ERBB4: variants seen among roughly 807,000 people sequenced by gnomAD.
The protein encoded by ERBB4 is erb-b2 receptor tyrosine kinase 4.
Under a neutral mutation model 158.0 loss-of-function variants are expected in ERBB4, and 42 were observed. That is an observed-to-expected ratio of 0.27 (90% CI 0.21 to 0.34). ERBB4 has a LOEUF of 0.34. ERBB4 is among the 10% of genes least tolerant of loss of function. ERBB4 has a pLI of 1.00. For missense variants in ERBB4, 1,333 were observed against 1,624.1 expected (o/e 0.82, Z 3.08); for synonymous variants, 583 against 558.7 (o/e 1.04, Z -0.61).
intron 9 of ERBB4, among the ~76,000 whole-genome samples, chr2:211,709,842 A>G (rs918039578): frequency 1.3e-5 from 2 of 152,022 alleles, no homozygotes; most frequent in Non-Finnish European, 2.9e-5. Flanking sequence ...AATGAAAGTC[A>G]TTTCCCTCTT....
chr2:212,106,369 C>A (rs2125529319), intron 2 of ERBB4, among the ~76,000 whole-genome samples: 1 of 152,298 alleles, frequency 6.6e-6, no homozygotes, highest in African/African-American at 2.4e-5. Flanking sequence ...AGCATTTTGT[C>A]CCTGCCCTAG....
At chr2:212,513,522 A>C (rs557743175) in intron 1 of ERBB4, among the ~76,000 whole-genome samples, 1 of 152,166 alleles carries the variant, frequency 6.6e-6, no homozygotes, top group African/African-American at 2.4e-5. Context: ...AAGTTAATTA[A>C]GTTTTCAAGG....
intron 4 of ERBB4, among the ~76,000 whole-genome samples, chr2:211,763,884 C>T (rs2106247356): frequency 1.7e-5 from 1 of 60,052 alleles, no homozygotes; most frequent in South Asian, 5.4e-4. Context: ...AAGGCCTTAG[C>T]TGTGCGTGTG....
chr2:211,550,328 T>C (rs952290367), intron 20 of ERBB4, among the ~76,000 whole-genome samples: 2 of 151,882 alleles, frequency 1.3e-5, no homozygotes, highest in African/African-American at 4.8e-5. Context: ...AAGCCCCTGA[T>C]AGCCACCACT....
chr2:211,747,771 T>C (rs1342932019), intron 5 of ERBB4, among the ~76,000 whole-genome samples: 1 of 152,040 alleles, frequency 6.6e-6, no homozygotes, highest in African/African-American at 2.4e-5. Context: ...TCACATTTTT[T>C]ACTCATATAT....
chr2:211,428,640 C>A (rs896532306), intron 21 of ERBB4, among the ~76,000 whole-genome samples, 157 bp from the exon 22 acceptor site: 1 of 151,854 alleles, frequency 6.6e-6, no homozygotes, highest in Non-Finnish European at 1.5e-5. Context: ...TAATTTATGA[C>A]TATAACTATA....
intron 2 of ERBB4, among the ~76,000 whole-genome samples, chr2:212,005,562 C>T (rs2076240242): frequency 6.6e-6 from 1 of 152,100 alleles, no homozygotes. Context: ...ATAAATTCGT[C>T]AGATATGGAA....
intron 1 of ERBB4, among the ~76,000 whole-genome samples, chr2:212,356,242 T>C (rs1250942990): frequency 6.6e-6 from 1 of 152,000 alleles, no homozygotes; most frequent in Non-Finnish European, 1.5e-5. Flanking sequence ...ACCATGTTGC[T>C]GTACTGATCC....
chr2:211,888,741 C>T (rs1452256314), intron 3 of ERBB4, among the ~76,000 whole-genome samples: 2 of 151,958 alleles, frequency 1.3e-5, no homozygotes, highest in South Asian at 2.1e-4. Context: ...ACCTGGGAAG[C>T]GCGAGGGGTC....
rs1380546306 is a variant in ERBB4 at position 211,623,000 on chromosome 2, T to A, written c.2202+922A>T. Among the ~76,000 whole-genome samples, 39 of 8,140 alleles carry A rather than the reference T, an allele frequency of 4.8e-3. 3 individuals are homozygous for A. Among genetic ancestry groups the A allele is most frequent in the African/African-American group, 0.01 (14 of 1,368 alleles). 5.3% of individuals were successfully genotyped at this position (8,140 alleles called of 152,430 possible). ...AAAAAAAAAAAAAAAAATATATATATATATATATATATATATATATATATA... is the reference window on the plus strand; with the variant it reads ...AAAAAAAAAAAAAAAAATATATATAAATATATATATATATATATATATATA... On this transcript the variant is annotated intron_variant, in intron 18 of 27. Transcript: ENST00000342788.
chr2:212,059,958 A>G (rs1294291358), intron 2 of ERBB4, among the ~76,000 whole-genome samples: 5 of 152,176 alleles, frequency 3.3e-5, no homozygotes, highest in Non-Finnish European at 7.3e-5. Flanking sequence ...TAATTAAACT[A>G]AAGAGCTTCT....
intron 20 of ERBB4, among the ~76,000 whole-genome samples, chr2:211,540,017 T>C (rs2066755971): frequency 6.6e-6 from 1 of 151,912 alleles, no homozygotes; most frequent in Non-Finnish European, 1.5e-5. Flanking sequence ...CCTGGATATA[T>C]CCATAAGTCA....
intron 20 of ERBB4, among the ~76,000 whole-genome samples, chr2:211,439,453 G>C (rs2063927290): frequency 6.6e-6 from 1 of 152,164 alleles, no homozygotes; most frequent in Non-Finnish European, 1.5e-5. Context: ...GATTCATAGA[G>C]CACCCATTTT....
chr2:212,174,107 A>G (rs960594570), intron 1 of ERBB4, among the ~76,000 whole-genome samples: 2 of 152,252 alleles, frequency 1.3e-5, no homozygotes, highest in Admixed American at 1.3e-4. Flanking sequence ...ACATATAAAA[A>G]TTAGAGGGAG....
At chr2:211,830,626 TA>T (rs1235330440) in intron 3 of ERBB4, among the ~76,000 whole-genome samples, 1 of 152,090 alleles carries the variant, frequency 6.6e-6, no homozygotes, top group Admixed American at 6.6e-5. Flanking sequence ...TAGAAAGCAA[TA>T]AACATCATTC....
chr2:211,584,454 A>T (rs530398477), intron 19 of ERBB4, among the ~76,000 whole-genome samples: 1 of 152,236 alleles, frequency 6.6e-6, no homozygotes, highest in African/African-American at 2.4e-5. Context: ...GACATTTTTC[A>T]ATCCAGATGT....
At position 211,944,473 on chromosome 2, in the gene ERBB4, T is replaced by A. The variant is rs139257609; in HGVS notation, c.421+2957A>T. Among the ~76,000 whole-genome samples, 33 of 152,040 alleles carry A rather than the reference T, an allele frequency of 2.2e-4. No homozygotes were observed. The East Asian group carries it at 4.6e-3, about 21-fold the overall frequency. ...TCCCAGCATCTTCCTTATCTTTAAG[T>A]CATTTTATACCCAAGTTTCTATCCA... is the stretch of plus-strand genomic sequence containing the variant. On this transcript the variant is annotated intron_variant, in intron 3 of 27. Transcript: ENST00000342788.
At chr2:211,613,152 A>G (rs1287494430) in intron 19 of ERBB4, among the ~76,000 whole-genome samples, 4 of 152,056 alleles carry the variant, frequency 2.6e-5, no homozygotes, top group African/African-American at 9.7e-5. Context: ...GAGATGATCT[A>G]GGAAAAATTT....
chr2:211,807,139 CTG>C (rs1403836964), intron 3 of ERBB4, among the ~76,000 whole-genome samples: 1 of 151,706 alleles, frequency 6.6e-6, no homozygotes. Flanking sequence ...AAACAGGAGA[CTG>C]TTGATTTTTT....
Sources: gnomAD v4.1 joint callset for allele counts (sites outside exome capture counted in the v4.1 genomes callset) on GRCh38, gnomAD v4.1.1 for gene constraint, MANE v1.5 for transcripts, NCBI Gene and HGNC (gene_info 2026-07-23, HGNC 2026-07-21) for gene names.